The following CLEC9A variants were observed in gnomAD, a reference collection of about 807,000 sequenced individuals.
CLEC9A encodes the protein C-type lectin domain containing 9A.
CLEC9A carries 24 observed loss-of-function variants against 30.0 expected under a neutral mutation model. That is an observed-to-expected ratio of 0.80 (90% CI 0.58 to 1.13). CLEC9A has a LOEUF of 1.13. Among genes scored for constraint, CLEC9A ranks in the 50% most tolerant of loss-of-function variants. The pLI, the probability that CLEC9A is intolerant of heterozygous loss-of-function variation, is 0.00. For synonymous variants in CLEC9A, 111 were observed against 96.8 expected, an observed-to-expected ratio of 1.15 and a Z score of -0.86; for missense variants, 251 against 280.9, an observed-to-expected ratio of 0.89 and a Z score of 0.76.
intron 2 of CLEC9A, among the ~76,000 whole-genome samples, chr12:10,041,940 C>T (rs60021747): frequency 0.014 from 2,064 of 152,258 alleles, 41 homozygotes; most frequent in East Asian, 0.066. Flanking sequence ...TGCTGCACTG[C>T]GCACTTACTG....
At chr12:10,052,520 T>A in intron 3 of CLEC9A, 110 bp from the exon 4 acceptor site, 2 of 1,304,230 alleles carry the variant, frequency 1.5e-6, no homozygotes, top group South Asian at 2.5e-5. Context: ...AACTTCCACT[T>A]TCTGAATGAA....
Position 10,051,338 on chromosome 12 carries a change from GCAAA to G in CLEC9A, c.-162-647_-162-644del. Among the ~76,000 whole-genome samples, 3 of 152,224 alleles carry G rather than the reference GCAAA, an allele frequency of 2.0e-5. No individual in the cohort carries two copies. In the East Asian group the frequency reaches 5.8e-4, roughly 29 times the overall value. ...GAGCTCAAATGAACGCATTATCAGG[GCAAA>G]CAAACTTGGCCCCTGGCTTCTAGTT... is the stretch of plus-strand genomic sequence containing the variant. On this transcript the variant is annotated intron_variant, in intron 2 of 8. Coordinates refer to ENST00000355819, the MANE Select transcript of CLEC9A (RefSeq NM_207345.4).
rs772904401 is a variant in CLEC9A at position 10,064,854 on chromosome 12, G to A, written c.593+1G>A. ...ATGGCTCCTCTCCTTCTCCTGGCCT[G>A]TAAGTCTCTGAGTGAAATGCTACAA... On this transcript the variant is annotated splice_donor_variant, in intron 8 of 8. Transcript: ENST00000355819. LOFTEE classifies it high-confidence loss of function. 6.2e-7 allele frequency: 1 copy of A among 1,610,146 alleles called. No homozygotes were observed. Among genetic ancestry groups the A allele is most frequent in the Non-Finnish European group, 8.5e-7 (1 of 1,178,502 alleles).
chr12:10,051,567 G>A (rs1341335126), intron 2 of CLEC9A, among the ~76,000 whole-genome samples: 3 of 152,136 alleles, frequency 2.0e-5, no homozygotes, highest in Admixed American at 6.5e-5. Context: ...TACCCCTTGA[G>A]TATGCCATTT....
Position 10,041,449 on chromosome 12 carries a change from G to C in CLEC9A, c.-317-17G>C. The stretch of plus-strand genomic sequence containing the variant: ...ATTTAAAAACAACAACAACATTCCT[G>C]TGCTTGGTTTCTCCAGGTGACTATA... On this transcript the variant is annotated splice_polypyrimidine_tract_variant and intron_variant, in intron 1 of 8. Coordinates refer to ENST00000355819, the MANE Select transcript of CLEC9A (RefSeq NM_207345.4). 2 of 394,978 alleles carry C rather than the reference G, an allele frequency of 5.1e-6. No individual in the cohort carries two copies. The highest frequency in any genetic ancestry group is 9.9e-6 in the Non-Finnish European group (2 of 201,384). 24.5% of individuals were successfully genotyped at this position (394,978 alleles called of 1,614,324 possible). A position where few individuals can be genotyped will look rare whatever the true frequency, so the allele number is the denominator to read the frequency against.
chr12:10,064,013 A>G (rs1200195132), intron 7 of CLEC9A, among the ~76,000 whole-genome samples: 1 of 152,166 alleles, frequency 6.6e-6, no homozygotes, highest in Non-Finnish European at 1.5e-5. Flanking sequence ...CCATCTCAAA[A>G]AAATAATAAT....
chr12:10,048,090 G>A lies in CLEC9A; in HGVS notation c.-162-3901G>A, dbSNP rs980076370. 7.8e-5 allele frequency among the ~76,000 whole-genome samples: 10 copies of A among 128,528 alleles called. No homozygotes were observed. The East Asian group carries it at 1.4e-3, about 17-fold the overall frequency. The allele number at this position is 128,528 out of a possible 152,430, so 84.3% of individuals were successfully genotyped here. On this transcript the variant is annotated intron_variant, in intron 2 of 8. Transcript: ENST00000355819. Reference sequence around the variant, plus strand: ...CTACTAAAAATACAAAAAATTAGCCGGGCGCGGTGGCGGGCGCCTGTAGTC... The same window carrying A: ...CTACTAAAAATACAAAAAATTAGCCAGGCGCGGTGGCGGGCGCCTGTAGTC...
At position 10,033,089 on chromosome 12, in the gene CLEC9A, C is replaced by CA. The variant is rs879269046; in HGVS notation, c.-318+2129dup. ...TCATCTCACGCACCAGATAAGCATTCAAAAAAAAAAAAGATTATTCCCTTT... is the reference window on the plus strand; with the variant it reads ...TCATCTCACGCACCAGATAAGCATTCAAAAAAAAAAAAAGATTATTCCCTTT... On this transcript the variant is annotated intron_variant, in intron 1 of 8. Coordinates refer to ENST00000355819, the MANE Select transcript of CLEC9A (RefSeq NM_207345.4). Among the ~76,000 whole-genome samples, 399 of 140,206 alleles carry CA rather than the reference C, an allele frequency of 2.8e-3. 4 individuals are homozygous for CA. In the East Asian group the frequency reaches 0.032, roughly 11 times the overall value. 92.0% of individuals were successfully genotyped at this position (140,206 alleles called of 152,430 possible).
chr12:10,051,517 G>A (rs1048040120), intron 2 of CLEC9A, among the ~76,000 whole-genome samples: 2 of 152,094 alleles, frequency 1.3e-5, no homozygotes, highest in South Asian at 2.1e-4. Context: ...AACACTTCCC[G>A]AAACTTTATA....
Position 10,065,683 on chromosome 12 carries a change from T to G in CLEC9A, c.*51T>G, listed in dbSNP as rs1866039051. The G allele has an allele frequency of 6.3e-7, 1 of 1,591,730 alleles. No homozygotes were observed. Among genetic ancestry groups the G allele is most frequent in the South Asian group, 1.1e-5 (1 of 88,386 alleles). Reference sequence around the variant, plus strand: ...TTACACTGTTATTTGGAGCATGCCATTGGAAAACCCACCCCCACCCCCCCT... The same window carrying G: ...TTACACTGTTATTTGGAGCATGCCAGTGGAAAACCCACCCCCACCCCCCCT... On this transcript the variant is annotated 3_prime_UTR_variant, in exon 9 of 9. Transcript: ENST00000355819.
intron 2 of CLEC9A, among the ~76,000 whole-genome samples, chr12:10,049,932 A>C (rs1591889483): frequency 6.6e-6 from 1 of 152,194 alleles, no homozygotes; most frequent in South Asian, 2.1e-4. Context: ...TGCTGTTGAC[A>C]TGTCTTCCTC....
chr12:10,052,832 T>C (rs953718084), intron 4 of CLEC9A, 54 bp downstream of exon 4: 2 of 1,589,154 alleles, frequency 1.3e-6, no homozygotes, highest in African/African-American at 2.7e-5. Context: ...TTTTTTTTTT[T>C]TTTCTGCTCT....
downstream of CLEC9A, chr12:10,066,031 ACTGT>A (rs2137317881): frequency 1.3e-5 from 2 of 153,888 alleles, no homozygotes; most frequent in South Asian, 4.1e-4. Flanking sequence ...TTTAAAACTC[ACTGT>A]CTGTGAGATC....
In CLEC9A at chr12:10,047,177, G is replaced by A. The variant is rs370205362; in HGVS notation, c.-162-4814G>A. On this transcript the variant is annotated intron_variant, in intron 2 of 8. Coordinates refer to ENST00000355819, the MANE Select transcript of CLEC9A (RefSeq NM_207345.4). The stretch of plus-strand genomic sequence containing the variant: ...AATGTCTACAGATCTTGGATTTGGA[G>A]TGAATGTATTATTATTTTCTTATTT... Among the ~76,000 whole-genome samples, 119 of 152,310 alleles carry A rather than the reference G, an allele frequency of 7.8e-4. No individual in the cohort carries two copies. The South Asian group carries it at 0.022, about 28-fold the overall frequency.
In CLEC9A at chr12:10,063,055, C is replaced by A. The variant is rs11831360; in HGVS notation, c.320C>A (p.Ala107Asp). ...QAFMQNSLSS[A>D]HNSSPCPNNW... ...TAAAGTAAAATGTTTATATTCAAAG[C>A]CCATAACAGCAGTCCTTGTCCAAAC... Residue 107 changes from alanine to aspartate, a missense_variant and splice_region_variant, in exon 7 of 9, where the codon GCC becomes GAC. By Grantham distance (126) the Ala-to-Asp change is moderately radical (BLOSUM62 -2). Transcript: ENST00000355819. The A allele has an allele frequency of 6.3e-6, 10 of 1,590,096 alleles. No homozygotes were observed. Among genetic ancestry groups the A allele is most frequent in the Admixed American group, 3.8e-5 (2 of 53,170 alleles).
intron 6 of CLEC9A, among the ~76,000 whole-genome samples, chr12:10,062,136 C>T (rs1443618107): frequency 6.6e-6 from 1 of 152,206 alleles, no homozygotes; most frequent in Non-Finnish European, 1.5e-5. Flanking sequence ...TCAACGCCAC[C>T]AATACCATTG....
At chr12:10,036,975 G>A (rs746254763) in intron 1 of CLEC9A, among the ~76,000 whole-genome samples, 2 of 152,136 alleles carry the variant, frequency 1.3e-5, no homozygotes, top group South Asian at 2.1e-4. Flanking sequence ...TAGAAGCTGC[G>A]TAGAAACAAG....
chr12:10,063,017 T>C, intron 6 of CLEC9A, 38 bp from the exon 7 acceptor site: 1 of 1,545,714 alleles, frequency 6.5e-7, no homozygotes, highest in South Asian at 1.3e-5. Context: ...GTTAATATTT[T>C]ACAATAAGAT....
intron 5 of CLEC9A, among the ~76,000 whole-genome samples, chr12:10,055,608 T>C (rs1865934925): frequency 6.6e-6 from 1 of 152,168 alleles, no homozygotes; most frequent in African/African-American, 2.4e-5. Flanking sequence ...CAAACAAAAT[T>C]AACTGAAGAT....
Sources: gnomAD v4.1 joint callset for allele counts (sites outside exome capture counted in the v4.1 genomes callset) on GRCh38, gnomAD v4.1.1 for gene constraint, MANE v1.5 for transcripts, NCBI Gene and HGNC (gene_info 2026-07-23, HGNC 2026-07-21) for gene names.